EMILIN2: variants seen among roughly 807,000 people sequenced by gnomAD.
EMILIN2 encodes the protein elastin microfibril interfacer 2.
A neutral mutation model predicts 87.1 loss-of-function variants in EMILIN2; 71 were observed. The observed-to-expected ratio is 0.82, with a 90% confidence interval of 0.67 to 0.99. The LOEUF is 0.99. Ranked by LOEUF, EMILIN2 falls within the 50% of genes least tolerant of loss-of-function variation. The pLI, the probability that EMILIN2 is intolerant of heterozygous loss-of-function variation, is 0.00. For missense variants in EMILIN2, 1,407 were observed against 1,371.8 expected, an observed-to-expected ratio of 1.03 and a Z score of -0.40; for synonymous variants, 581 against 563.4, an observed-to-expected ratio of 1.03 and a Z score of -0.44.
intron 4 of EMILIN2, among the ~76,000 whole-genome samples, chr18:2,896,664 T>C (rs2076865245): frequency 6.6e-6 from 1 of 152,010 alleles, no homozygotes; most frequent in South Asian, 2.1e-4. Flanking sequence ...TATTTATTTA[T>C]TTTTTTAGAG....
intron 7 of EMILIN2, among the ~76,000 whole-genome samples, chr18:2,911,125 A>G (rs1295020945): frequency 6.6e-6 from 1 of 152,248 alleles, no homozygotes; most frequent in African/African-American, 2.4e-5. Context: ...CAGGAAGGAA[A>G]GTACACTCGG....
At position 2,914,763 on chromosome 18, in the gene EMILIN2, T is replaced by C. The variant is rs1598510032; in HGVS notation, c.*1359T>C. ...GCAAATGAATTTACAGGGTGGCCAC[T>C]GGACACTTCAGAGTTCCTTATTTAC... On this transcript the variant is annotated 3_prime_UTR_variant, in exon 8 of 8. Coordinates refer to ENST00000254528, the MANE Select transcript of EMILIN2 (RefSeq NM_032048.3). 1 of 116,064 alleles carries C rather than the reference T, an allele frequency of 8.6e-6. No homozygotes were observed. Among genetic ancestry groups the C allele is most frequent in the East Asian group, 4.2e-4 (1 of 2,364 alleles). 7.2% of individuals were successfully genotyped at this position (116,064 alleles called of 1,614,324 possible). A position where few individuals can be genotyped will look rare whatever the true frequency, so the allele number is the denominator to read the frequency against.
intron 2 of EMILIN2, among the ~76,000 whole-genome samples, chr18:2,850,439 T>G (rs2076596222): frequency 6.6e-6 from 1 of 150,656 alleles, no homozygotes; most frequent in Non-Finnish European, 1.5e-5. Flanking sequence ...AGGGTCTCAC[T>G]GTGTCACCCA....
At position 2,906,811 on chromosome 18, in the gene EMILIN2, G is replaced by GGC. The variant is rs1299042506; in HGVS notation, c.2389_2390dup (p.Lys799ArgfsTer98). 7.6e-7 allele frequency: 1 copy of GGC among 1,311,276 alleles called. No individual in the cohort carries two copies. The highest frequency in any genetic ancestry group is 9.7e-7 in the Non-Finnish European group (1 of 1,036,018). The allele number at this position is 1,311,276 out of a possible 1,614,324, so 81.2% of individuals were successfully genotyped here. The stretch of plus-strand genomic sequence containing the variant: ...CGCCCTCGCCCCCGCCGCCCGCAGA[G>GGC]GCCCCGAAGGAGCCGCTGCAGCCCG... On this transcript the variant is annotated frameshift_variant, in exon 5 of 8. Transcript: ENST00000254528. LOFTEE classifies it high-confidence loss of function.
At chr18:2,906,590 T>C in intron 4 of EMILIN2, 193 bp from the exon 5 acceptor site, 1 of 406,706 alleles carries the variant, frequency 2.5e-6, no homozygotes, top group Non-Finnish European at 4.1e-6. Flanking sequence ...CCCGGCGGCG[T>C]CCGGGTGGCC....
At chr18:2,902,577 A>G (rs1003652463) in intron 4 of EMILIN2, among the ~76,000 whole-genome samples, 1 of 152,230 alleles carries the variant, frequency 6.6e-6, no homozygotes, top group African/African-American at 2.4e-5. Context: ...GCACGAAGCC[A>G]GGGAAGTCAC....
intron 2 of EMILIN2, among the ~76,000 whole-genome samples, chr18:2,860,387 T>TC: frequency 6.6e-6 from 1 of 152,144 alleles, no homozygotes; most frequent in Non-Finnish European, 1.5e-5. Context: ...TCCCTCCCAC[T>TC]TCCCCCAACC....
rs2076918218 is a variant in EMILIN2, at chr18:2,907,119, G to T, written c.2662+34G>T. The T allele has an allele frequency of 4.1e-6, 5 of 1,230,594 alleles. No homozygotes were observed. The South Asian group carries it at 2.0e-4, about 49-fold the overall frequency. The allele number at this position is 1,230,594 out of a possible 1,614,324, so 76.2% of individuals were successfully genotyped here. A position where few individuals can be genotyped will look rare whatever the true frequency, so the allele number is the denominator to read the frequency against. ...CGGGGCTGCGCGGGGAGGAGCGCGGGGCTCTCCCGGAACTTCCGCCTGAGC... is the reference window on the plus strand; with the variant it reads ...CGGGGCTGCGCGGGGAGGAGCGCGGTGCTCTCCCGGAACTTCCGCCTGAGC... On this transcript the variant is annotated intron_variant, in intron 5 of 7. Coordinates refer to ENST00000254528, the MANE Select transcript of EMILIN2 (RefSeq NM_032048.3).
chr18:2,896,667 T>A (rs1037185500), intron 4 of EMILIN2, among the ~76,000 whole-genome samples: 2 of 140,838 alleles, frequency 1.4e-5, no homozygotes, highest in Admixed American at 7.1e-5. Flanking sequence ...TTATTTATTT[T>A]TTTAGAGATG....
At chr18:2,901,572 C>A (rs528984670) in intron 4 of EMILIN2, among the ~76,000 whole-genome samples, 1 of 152,226 alleles carries the variant, frequency 6.6e-6, no homozygotes, top group Non-Finnish European at 1.5e-5. Context: ...CTACCCGACC[C>A]GTGCGGAGTG....
At chr18:2,882,807 C>T (rs895042505) in intron 2 of EMILIN2, among the ~76,000 whole-genome samples, 75 of 151,752 alleles carry the variant, frequency 4.9e-4, no homozygotes, top group Admixed American at 9.2e-4. Flanking sequence ...CGCTTGAACC[C>T]GGGAGGCAGA....
intron 2 of EMILIN2, among the ~76,000 whole-genome samples, chr18:2,874,704 T>C (rs1233845683): frequency 6.6e-6 from 1 of 152,226 alleles, no homozygotes. Context: ...AATGTTTGGG[T>C]CCTTTTCCTT....
chr18:2,892,383 C>T lies in EMILIN2; in HGVS notation c.2256C>T (p.Ser752=), dbSNP rs61741021. 820 of 1,614,126 alleles carry T rather than the reference C, an allele frequency of 5.1e-4. 1 individual carries two copies. The highest frequency in any genetic ancestry group is 5.1e-4 in the Non-Finnish European group (597 of 1,180,030). Residue 752 remains serine (S), a synonymous_variant, in exon 4 of 8, where the codon TCC becomes TCT. Transcript: ENST00000254528. The part of the protein sequence containing the change: ...RQMNGTLRSH[S]RDISGLKNSV... Reference sequence around the variant, plus strand: ...TGAACGGAACGCTCAGGTCGCATTCCAGAGACATTTCTGGCCTGAAGAATT... The same window carrying T: ...TGAACGGAACGCTCAGGTCGCATTCTAGAGACATTTCTGGCCTGAAGAATT...
At chr18:2,908,858 G>A (rs2076927274) in intron 5 of EMILIN2, 85 bp from the exon 6 acceptor site, 3 of 1,519,746 alleles carry the variant, frequency 2.0e-6, no homozygotes, top group Admixed American at 3.3e-5. Flanking sequence ...TTGAACTTGT[G>A]AGGAGCAGAG....
Position 2,890,947 on chromosome 18 carries a change from A to T in EMILIN2, c.820A>T (p.Lys274Ter). Residue 274 changes from lysine to a stop codon, truncating the protein, a stop_gained, in exon 4 of 8, where the codon AAG (lysine) becomes TAG (stop). Transcript: ENST00000254528. LOFTEE classifies it high-confidence loss of function. This position sits in a 1 kb window ranked among gnomAD's most constrained non-coding sequence, Gnocchi z 4.7. ...SELAEVKDTL[K>*]NKSDKLEELD... ...ATTGGCTGAAGTCAAAGATACTCTA[A>T]AGAACAAAAGTGACAAGCTGGAAGA... 1.2e-6 allele frequency: 2 copies of T among 1,614,186 alleles called. No individual in the cohort carries two copies. The highest frequency in any genetic ancestry group is 1.7e-6 in the Non-Finnish European group (2 of 1,180,048).
At chr18:2,905,659 A>T (rs953191229) in intron 4 of EMILIN2, among the ~76,000 whole-genome samples, 2 of 151,784 alleles carry the variant, frequency 1.3e-5, no homozygotes, top group Non-Finnish European at 2.9e-5. Flanking sequence ...GCTGGAGTGC[A>T]GCGGGCGATC....
chr18:2,910,919 G>A (rs1200971295), intron 7 of EMILIN2, among the ~76,000 whole-genome samples: 4 of 152,194 alleles, frequency 2.6e-5, no homozygotes, highest in Non-Finnish European at 4.4e-5. Context: ...GAGAGGGAAC[G>A]CCACTTACTT....
chr18:2,869,006 A>G (rs975730267), intron 2 of EMILIN2, among the ~76,000 whole-genome samples: 11 of 151,306 alleles, frequency 7.3e-5, no homozygotes, highest in African/African-American at 2.4e-4. Flanking sequence ...CATTGATCCA[A>G]TACCTTTAAA....
At chr18:2,879,593 A>G (rs2144014684) in intron 2 of EMILIN2, among the ~76,000 whole-genome samples, 1 of 152,062 alleles carries the variant, frequency 6.6e-6, no homozygotes. Context: ...CCCAGGAGGC[A>G]GAGGTTGCAG....
Sources: gnomAD v4.1 joint callset for allele counts (sites outside exome capture counted in the v4.1 genomes callset) on GRCh38, gnomAD v4.1.1 for gene constraint, Gnocchi (gnomAD v3.1) non-coding constraint, MANE v1.5 for transcripts, NCBI Gene and HGNC (gene_info 2026-07-23, HGNC 2026-07-21) for gene names.